Variants in USP25 observed in about 807,000 individuals in gnomAD.
The protein encoded by USP25 is ubiquitin specific peptidase 25.
Under a neutral mutation model 158.5 loss-of-function variants are expected in USP25, and 85 were observed. The observed-to-expected ratio is 0.54, with a 90% confidence interval of 0.45 to 0.64. The LOEUF (loss-of-function observed/expected upper bound fraction) is 0.64. Among genes scored for constraint, USP25 ranks in the 30% least tolerant of loss-of-function variants. The pLI is 0.00. For synonymous variants in USP25, 464 were observed against 460.4 expected, an observed-to-expected ratio of 1.01 and a Z score of -0.10; for missense variants, 1,242 against 1,327.3, an observed-to-expected ratio of 0.94 and a Z score of 1.00.
chr21:15,731,228 A>G (rs777244981), intron 1 of USP25, among the ~76,000 whole-genome samples: 1 of 152,120 alleles, frequency 6.6e-6, no homozygotes, highest in Non-Finnish European at 1.5e-5. Flanking sequence ...TGCTTTCAGA[A>G]TCTTAAGTGC....
chr21:15,762,747 T>G, intron 1 of USP25, 144 bp from the exon 2 acceptor site: 1 of 637,608 alleles, frequency 1.6e-6, no homozygotes, highest in Non-Finnish European at 2.6e-6. Flanking sequence ...GTTTGGCCTT[T>G]CTCAAGTTCT....
At position 15,816,818 on chromosome 21, in the gene USP25, T is replaced by TA. The variant is rs2036960328; in HGVS notation, c.932-1879dup. 6.6e-6 allele frequency among the ~76,000 whole-genome samples: 1 copy of TA among 152,146 alleles called. No individual in the cohort carries two copies. Among genetic ancestry groups the TA allele is most frequent in the East Asian group, 1.9e-4 (1 of 5,194 alleles). Reference sequence around the variant, plus strand: ...AAAGAAAAAAAAAATCCTGTGTTCTTACTTAAGTGGTGCCATTTTCAGTCC... The same window carrying TA: ...AAAGAAAAAAAAAATCCTGTGTTCTTAACTTAAGTGGTGCCATTTTCAGTCC... On this transcript the variant is annotated intron_variant, in intron 9 of 25. Transcript: ENST00000400183. The surrounding 1 kb of genome is among the most constrained non-coding windows in gnomAD (Gnocchi z 4.0).
At chr21:15,756,225 C>T (rs550115919) in intron 1 of USP25, among the ~76,000 whole-genome samples, 88 of 152,256 alleles carry the variant, frequency 5.8e-4, no homozygotes, top group African/African-American at 2.0e-3. Flanking sequence ...AAGACAATTT[C>T]GTTCCTTCTG....
In USP25 at chr21:15,827,115, G is replaced by A. The variant is rs751458491; in HGVS notation, c.1605G>A (p.Pro535=). ...TACCTCCAGATTTGCCCATGCATCCGGCACCAAGGCACATAACGGAGGAAG... is the reference window on the plus strand; with the variant it reads ...TACCTCCAGATTTGCCCATGCATCCAGCACCAAGGCACATAACGGAGGAAG... ...SRIPPDLPMH[P]APRHITEEEL... The change falls in exon 14 of 26, where the codon CCG becomes CCA. Residue 535 remains proline (P), a synonymous_variant. Coordinates refer to ENST00000400183, the MANE Select transcript of USP25 (RefSeq NM_001283041.3). 19 of 1,613,966 alleles carry A rather than the reference G, an allele frequency of 1.2e-5. No individual in the cohort carries two copies. The highest frequency in any genetic ancestry group is 1.1e-4 in the African/African-American group (8 of 74,902).
intron 1 of USP25, among the ~76,000 whole-genome samples, chr21:15,739,700 C>G (rs111964485): frequency 1.7e-4 from 26 of 152,272 alleles, no homozygotes; most frequent in African/African-American, 5.8e-4. Context: ...AAGCACTGAC[C>G]TGCAGCAGTG....
rs142123061 is a variant in USP25 at position 15,817,781 on chromosome 21, C to T, written c.932-917C>T. ...ACCACGAGAACGGTATGGGGGAAACCGCCCCCATGATTGAATTATCTCCTG... is the reference window on the plus strand; with the variant it reads ...ACCACGAGAACGGTATGGGGGAAACTGCCCCCATGATTGAATTATCTCCTG... On this transcript the variant is annotated intron_variant, in intron 9 of 25. Transcript: ENST00000400183. 4.1e-4 allele frequency among the ~76,000 whole-genome samples: 63 copies of T among 152,204 alleles called. 1 individual carries two copies. In the East Asian group the frequency reaches 9.5e-3, roughly 23 times the overall value.
At chr21:15,735,453 G>A (rs995121) in intron 1 of USP25, among the ~76,000 whole-genome samples, 4,101 of 152,066 alleles carry the variant, frequency 0.027, 191 homozygotes, top group African/African-American at 0.091. Flanking sequence ...GAGGATGTGT[G>A]GATGTGTAAG....
At chr21:15,733,144 C>T (rs867077222) in intron 1 of USP25, among the ~76,000 whole-genome samples, 2 of 44,716 alleles carry the variant, frequency 4.5e-5, no homozygotes, top group African/African-American at 1.4e-4. Context: ...CCCCCCCCCC[C>T]CCCCAATCTA....
intron 1 of USP25, among the ~76,000 whole-genome samples, chr21:15,733,146 C>G (rs867965337): frequency 2.6e-4 from 12 of 46,948 alleles, no homozygotes; most frequent in African/African-American, 4.0e-4. Flanking sequence ...CCCCCCCCCC[C>G]CCAATCTATC....
intron 1 of USP25, among the ~76,000 whole-genome samples, chr21:15,733,163 G>C (rs1044263062): frequency 3.4e-5 from 3 of 88,320 alleles, no homozygotes; most frequent in Non-Finnish European, 6.0e-5. Flanking sequence ...TATCTAACCC[G>C]ATGAACCAAG....
intron 9 of USP25, among the ~76,000 whole-genome samples, chr21:15,814,205 A>G (rs1031042157): frequency 1.3e-5 from 2 of 150,406 alleles, no homozygotes; most frequent in African/African-American, 2.4e-5. Context: ...GCTGCCATGT[A>G]AGAAGTGCCT....
chr21:15,788,739 T>TTCTACC (rs1182631607), intron 4 of USP25, among the ~76,000 whole-genome samples: 7 of 152,120 alleles, frequency 4.6e-5, no homozygotes, highest in Non-Finnish European at 1.5e-5. Flanking sequence ...TACCATGTGG[T>TTCTACC]ATGGTTAAGG....
chr21:15,791,329 A>G (rs369338539), intron 4 of USP25, among the ~76,000 whole-genome samples, 173 bp from the exon 5 acceptor site: 15 of 151,930 alleles, frequency 9.9e-5, no homozygotes, highest in Non-Finnish European at 2.1e-4. Flanking sequence ...ATACTTCTCT[A>G]TGTATTAGCA....
At chr21:15,749,564 T>C (rs1267648513) in intron 1 of USP25, among the ~76,000 whole-genome samples, 1 of 152,236 alleles carries the variant, frequency 6.6e-6, no homozygotes, top group African/African-American at 2.4e-5. Context: ...CTCAGTATCA[T>C]GACCGTTCAT....
intron 16 of USP25, among the ~76,000 whole-genome samples, chr21:15,832,984 C>T (rs1382365587): frequency 6.6e-6 from 1 of 152,018 alleles, no homozygotes. Context: ...TGTCACTGCA[C>T]TCCAGCCTGA....
rs370967709 is a variant in USP25, at chr21:15,811,254, A to G, written c.931+44A>G. 3.3e-6 allele frequency: 5 copies of G among 1,498,736 alleles called. No homozygotes were observed. The African/African-American group carries it at 7.0e-5, about 21-fold the overall frequency. 92.8% of individuals were successfully genotyped at this position (1,498,736 alleles called of 1,614,324 possible). On this transcript the variant is annotated intron_variant, in intron 9 of 25. Transcript: ENST00000400183. ...TTTTTATTGCAAGTGAAGAGAGATT[A>G]TTATTCATTCATTCGTCTCGATAGT...
chr21:15,806,425 GTTTCTT>G (rs2036394212), intron 7 of USP25, among the ~76,000 whole-genome samples: 1 of 29,608 alleles, frequency 3.4e-5, no homozygotes, highest in Admixed American at 3.3e-4. Context: ...CTTTTTTCTG[GTTTCTT>G]TTTTTTTTTT....
chr21:15,797,764 GTTTCAC>G (rs2035931571), intron 5 of USP25, among the ~76,000 whole-genome samples: 1 of 151,062 alleles, frequency 6.6e-6, no homozygotes, highest in Non-Finnish European at 1.5e-5. Context: ...CTTATCTTTG[GTTTCAC>G]TTTCTGCTGT....
At chr21:15,801,313 C>T (rs191799399) in intron 6 of USP25, among the ~76,000 whole-genome samples, 1 of 151,466 alleles carries the variant, frequency 6.6e-6, no homozygotes, top group South Asian at 2.1e-4. Context: ...TATATCAGAA[C>T]GAGTTGTGAA....
Sources: gnomAD v4.1 joint callset for allele counts (sites outside exome capture counted in the v4.1 genomes callset) on GRCh38, gnomAD v4.1.1 for gene constraint, Gnocchi (gnomAD v3.1) non-coding constraint, MANE v1.5 for transcripts, NCBI Gene and HGNC (gene_info 2026-07-23, HGNC 2026-07-21) for gene names.